NRG1: variants seen among roughly 807,000 people sequenced by gnomAD.
NRG1 encodes the protein neuregulin 1.
In NRG1, 18 loss-of-function variants were observed where a neutral mutation model predicts 63.8. The ratio of observed to expected loss-of-function variants is 0.28; its 90% CI spans 0.19 to 0.42. NRG1 has a LOEUF of 0.42. NRG1 is among the 10% of genes least tolerant of loss of function. NRG1 has a pLI of 1.00. For missense variants in NRG1, 762 were observed against 814.7 expected (o/e 0.94, Z 0.79); for synonymous variants, 302 against 301.3 (o/e 1.00, Z -0.02).
At chr8:32,756,289 C>A in intron 8 of NRG1, 114 bp from the exon 9 acceptor site, 2 of 1,163,560 alleles carry the variant, frequency 1.7e-6, no homozygotes, top group Non-Finnish European at 2.4e-6. Flanking sequence ...CCCTCTTCCT[C>A]ATCACCAGTC....
chr8:31,642,919 T>C (rs1335637956), intron 1 of NRG1, among the ~76,000 whole-genome samples: 1 of 152,210 alleles, frequency 6.6e-6, no homozygotes, highest in Non-Finnish European at 1.5e-5. Context: ...AAGCAAATAA[T>C]ATCAGCTATT....
At chr8:32,326,051 C>G (rs1215757356) in intron 1 of NRG1, among the ~76,000 whole-genome samples, 2 of 151,052 alleles carry the variant, frequency 1.3e-5, no homozygotes, top group African/African-American at 4.9e-5. Flanking sequence ...CTGTCTGTCA[C>G]CTAGGCTGGG....
At chr8:32,073,973 C>A (rs890378483) in intron 1 of NRG1, among the ~76,000 whole-genome samples, 17 of 152,152 alleles carry the variant, frequency 1.1e-4, no homozygotes, top group Non-Finnish European at 2.4e-4. Flanking sequence ...TTATTATTAA[C>A]AAAAAGTTTA....
intron 1 of NRG1, among the ~76,000 whole-genome samples, chr8:32,416,984 C>T (rs937604899): frequency 1.3e-5 from 2 of 152,106 alleles, no homozygotes; most frequent in Non-Finnish European, 2.9e-5. Context: ...CTGTGCTTGG[C>T]GTTTTAACCA....
At chr8:32,520,327 T>C (rs1344356374) in intron 1 of NRG1, among the ~76,000 whole-genome samples, 1 of 151,870 alleles carries the variant, frequency 6.6e-6, no homozygotes, top group African/African-American at 2.4e-5. Flanking sequence ...CAGCTACTTT[T>C]TTTTTTTTTT....
chr8:32,240,968 T>G (rs1198161763), intron 1 of NRG1, among the ~76,000 whole-genome samples: 2 of 151,444 alleles, frequency 1.3e-5, no homozygotes, highest in Non-Finnish European at 2.9e-5. Flanking sequence ...TCCAGGAGAG[T>G]ACATACCCTT....
At chr8:32,434,306 A>G (rs1184740153) in intron 1 of NRG1, among the ~76,000 whole-genome samples, 4 of 152,208 alleles carry the variant, frequency 2.6e-5, no homozygotes, top group African/African-American at 9.6e-5. Flanking sequence ...TTATTTATTC[A>G]GGAAATATTT....
At chr8:31,785,163 G>GA (rs1820053647) in intron 1 of NRG1, among the ~76,000 whole-genome samples, 1 of 152,050 alleles carries the variant, frequency 6.6e-6, no homozygotes, top group Admixed American at 6.6e-5. Flanking sequence ...TTTAACTTGA[G>GA]AAAAATGATA....
chr8:31,670,630 A>C (rs577812959), intron 1 of NRG1, among the ~76,000 whole-genome samples: 1 of 152,020 alleles, frequency 6.6e-6, no homozygotes, highest in Admixed American at 6.6e-5. Flanking sequence ...AGGGATCATA[A>C]GTGGTTTCAT....
chr8:32,228,208 A>G (rs1846535788), intron 1 of NRG1, among the ~76,000 whole-genome samples: 2 of 152,212 alleles, frequency 1.3e-5, no homozygotes, highest in Admixed American at 6.5e-5. Context: ...AGCTGAGTAA[A>G]GAATAGAATG....
intron 1 of NRG1, among the ~76,000 whole-genome samples, chr8:32,116,582 A>G (rs1182324997): frequency 1.3e-5 from 2 of 152,090 alleles, no homozygotes; most frequent in East Asian, 1.9e-4. Flanking sequence ...CCTTCATTCA[A>G]CTGTTAGTAT....
intron 1 of NRG1, among the ~76,000 whole-genome samples, chr8:31,645,886 T>G (rs1804242196): frequency 6.6e-6 from 1 of 152,188 alleles, no homozygotes; most frequent in Non-Finnish European, 1.5e-5. Context: ...ACTTCTGTGT[T>G]TTTTCTTTTC....
intron 1 of NRG1, among the ~76,000 whole-genome samples, chr8:32,227,788 C>T (rs563579531): frequency 6.6e-6 from 1 of 152,232 alleles, no homozygotes; most frequent in South Asian, 2.1e-4. Context: ...TAGGAATGTG[C>T]TCTAACCACC....
chr8:31,724,988 G>C (rs965758003), intron 1 of NRG1, among the ~76,000 whole-genome samples: 23 of 152,258 alleles, frequency 1.5e-4, no homozygotes, highest in African/African-American at 5.1e-4. Context: ...AAACAAATGA[G>C]GGCTGCTCTG....
At chr8:32,286,544 TG>T (rs1218283472) in intron 1 of NRG1, among the ~76,000 whole-genome samples, 3 of 152,250 alleles carry the variant, frequency 2.0e-5, no homozygotes, top group Non-Finnish European at 4.4e-5. Context: ...GGCAGATCTA[TG>T]ATAGATGGCT....
chr8:31,640,478 A>G lies in NRG1; in HGVS notation c.37+1047A>G. The G allele has an allele frequency of 6.2e-7, 1 of 1,604,476 alleles. No individual in the cohort carries two copies. Among genetic ancestry groups the G allele is most frequent in the Non-Finnish European group, 8.5e-7 (1 of 1,176,532 alleles). ...GAGGCGCCCTATCTGGTGAAGGTGC[A>G]CCAGGTGTGGGCGGTGAAAGCCGGG... On this transcript the variant is annotated intron_variant, in intron 1 of 10. Coordinates refer to the NRG1 transcript ENST00000519301. The surrounding 1 kb of genome is among the most constrained non-coding windows in gnomAD (Gnocchi z 6.3).
At chr8:31,679,323 A>G (rs1482692303) in intron 1 of NRG1, among the ~76,000 whole-genome samples, 3 of 152,140 alleles carry the variant, frequency 2.0e-5, no homozygotes, top group Non-Finnish European at 4.4e-5. Context: ...TATGTAAGAT[A>G]CTATGTATTT....
chr8:32,415,482 G>T (rs1248068424), intron 1 of NRG1, among the ~76,000 whole-genome samples: 8 of 148,608 alleles, frequency 5.4e-5, no homozygotes, highest in African/African-American at 2.0e-4. Context: ...ATTTGAATTT[G>T]TCATTTTCTT....
rs763835353 is a variant in NRG1 at position 32,669,469 on chromosome 8, G to T, written c.502+52584G>T. On this transcript the variant is annotated intron_variant, in intron 5 of 11. Coordinates refer to ENST00000356819, the Ensembl canonical transcript of NRG1. ...CCTCAGAAAAAGGAAATAACCAAGA[G>T]TGCCGAAAGCTACATGTACTTTGAA... Among the ~76,000 whole-genome samples, 4 of 152,226 alleles carry T rather than the reference G, an allele frequency of 2.6e-5. No individual in the cohort carries two copies. The South Asian group carries it at 6.2e-4, about 24-fold the overall frequency.
Sources: gnomAD v4.1 joint callset for allele counts (sites outside exome capture counted in the v4.1 genomes callset) on GRCh38, gnomAD v4.1.1 for gene constraint, Gnocchi (gnomAD v3.1) non-coding constraint, MANE v1.5 for transcripts, NCBI Gene and HGNC (gene_info 2026-07-23, HGNC 2026-07-21) for gene names.